The following SRSF12 variants were observed in gnomAD, a reference collection of about 807,000 sequenced individuals.
SRSF12 encodes serine/arginine-rich splicing factor 12.
Under a neutral mutation model 34.1 loss-of-function variants are expected in SRSF12, and 21 were observed. The observed-to-expected ratio is 0.62, with a 90% CI of 0.44 to 0.89. The LOEUF is 0.89. Ranked by LOEUF, SRSF12 falls within the 40% of genes least tolerant of loss-of-function variation. SRSF12 has a pLI of 0.00. For missense variants in SRSF12, 278 were observed against 327.8 expected (o/e 0.85, Z 1.17); for synonymous variants, 111 against 110.8 (o/e 1.00, Z -0.01).
intron 4 of SRSF12, 136 bp downstream of exon 4, chr6:89,104,980 TAGG>T: frequency 1.3e-6 from 1 of 772,622 alleles, no homozygotes; most frequent in Non-Finnish European, 1.9e-6. Flanking sequence ...TGCTTGAGTC[TAGG>T]AGGTCAAGTC....
At chr6:89,117,802 C>A (rs767481400) in intron 1 of SRSF12, 21 bp downstream of exon 1, 2 of 1,545,608 alleles carry the variant, frequency 1.3e-6, no homozygotes, top group South Asian at 2.4e-5. Flanking sequence ...GCGCCCCCAA[C>A]CTGCAGCCGC....
intron 4 of SRSF12, 88 bp downstream of exon 4, chr6:89,105,031 C>T (rs1039516824): frequency 3.0e-6 from 4 of 1,348,742 alleles, no homozygotes; most frequent in Non-Finnish European, 4.0e-6. Context: ...GCACTCCAGC[C>T]TGGGAAACAA....
In SRSF12 at chr6:89,096,459, T is replaced by C. The variant is rs1323812329; in HGVS notation, c.*2119A>G. On this transcript the variant is annotated 3_prime_UTR_variant, in exon 5 of 5. Transcript: ENST00000452027. ...AGAACAGTGCCAAGCATGTACTAAA[T>C]GCTCAAAAGAGTTTGAGCTATTATC... 6 of 152,232 alleles carry C rather than the reference T, an allele frequency of 3.9e-5. No homozygotes were observed. Among genetic ancestry groups the C allele is most frequent in the Admixed American group, 3.3e-4 (5 of 15,286 alleles). 9.4% of individuals were successfully genotyped at this position (152,232 alleles called of 1,614,324 possible). A position where few individuals can be genotyped will look rare whatever the true frequency, so the allele number is the denominator to read the frequency against.
At chr6:89,101,148 G>C (rs1489719861) in intron 4 of SRSF12, among the ~76,000 whole-genome samples, 1 of 144,476 alleles carries the variant, frequency 6.9e-6, no homozygotes, top group African/African-American at 2.5e-5. Flanking sequence ...TTAACTAAAA[G>C]ATCATTAGAA....
intron 4 of SRSF12, among the ~76,000 whole-genome samples, chr6:89,104,891 C>CA (rs780786742): frequency 6.6e-6 from 1 of 151,814 alleles, no homozygotes; most frequent in South Asian, 2.1e-4. Flanking sequence ...CCAATCTCTA[C>CA]AAAAAATTAA....
At chr6:89,099,072 A>T (rs1768389808) in intron 4 of SRSF12, 125 bp from the exon 5 acceptor site, 1 of 1,192,600 alleles carries the variant, frequency 8.4e-7, no homozygotes, top group Non-Finnish European at 1.1e-6. Flanking sequence ...AGCTAAAAAA[A>T]TTTCTCATTT....
At chr6:89,110,331 C>A (rs969421079) in intron 1 of SRSF12, among the ~76,000 whole-genome samples, 1 of 152,124 alleles carries the variant, frequency 6.6e-6, no homozygotes, top group Non-Finnish European at 1.5e-5. Context: ...CTCAAGCAAG[C>A]CACTCAAGTG....
intron 1 of SRSF12, among the ~76,000 whole-genome samples, chr6:89,109,531 C>A (rs1380042134): frequency 2.0e-5 from 3 of 152,168 alleles, no homozygotes; most frequent in African/African-American, 7.2e-5. Context: ...CCAATCCCAT[C>A]AACCAAATGT....
Position 89,098,937 on chromosome 6 carries a change from T to C in SRSF12, c.427A>G (p.Arg143Gly). ...TTAGACTGGCTATAAGAAAATCGCCTGTGTCGAGACCTGCAAACATCCATA... is the reference window on the plus strand; with the variant it reads ...TTAGACTGGCTATAAGAAAATCGCCCGTGTCGAGACCTGCAAACATCCATA... ...RSDSLKESRH[R>G]RFSYSQSKSR... The change falls in exon 5 of 5, where the codon AGG becomes GGG. Residue 143 changes from arginine to glycine, a missense_variant. Transcript: ENST00000452027. 6.2e-7 allele frequency: 1 copy of C among 1,612,874 alleles called. No individual in the cohort carries two copies. Among genetic ancestry groups the C allele is most frequent in the Admixed American group, 1.7e-5 (1 of 59,880 alleles).
chr6:89,110,522 A>G (rs1404440474), intron 1 of SRSF12, among the ~76,000 whole-genome samples: 2 of 152,184 alleles, frequency 1.3e-5, no homozygotes, highest in Non-Finnish European at 2.9e-5. Flanking sequence ...GACCAGTCTG[A>G]TTGGTTGTAG....
chr6:89,104,391 C>A (rs768967307), intron 4 of SRSF12, among the ~76,000 whole-genome samples: 32 of 151,928 alleles, frequency 2.1e-4, no homozygotes, highest in Non-Finnish European at 2.8e-4. Flanking sequence ...TGCGTGGCTA[C>A]CACACCCAGC....
intron 1 of SRSF12, among the ~76,000 whole-genome samples, chr6:89,110,983 G>T (rs1261963602): frequency 1.3e-5 from 2 of 152,080 alleles, no homozygotes; most frequent in Non-Finnish European, 2.9e-5. Flanking sequence ...GCTGGGCGTG[G>T]TGTCTATAAT....
rs183563348 is a variant in SRSF12 at position 89,099,714 on chromosome 6, C to T, written c.417-767G>A. Among the ~76,000 whole-genome samples the T allele has an allele frequency of 2.3e-3, 343 of 151,884 alleles. 2 individuals are homozygous for T. Among genetic ancestry groups the T allele is most frequent in the African/African-American group, 7.8e-3 (323 of 41,430 alleles). ...CCACGCCCAGCTAACTTTGTATTTT[C>T]AGTAGAGATGGGATTTCTCCATGTT... On this transcript the variant is annotated intron_variant, in intron 4 of 4. Transcript: ENST00000452027.
At chr6:89,110,967 A>C (rs1347074812) in intron 1 of SRSF12, among the ~76,000 whole-genome samples, 1 of 152,042 alleles carries the variant, frequency 6.6e-6, no homozygotes, top group Non-Finnish European at 1.5e-5. Flanking sequence ...AAATAAAAAA[A>C]AATTAGCTGG....
chr6:89,111,104 C>CTGGT (rs1769025966), intron 1 of SRSF12, among the ~76,000 whole-genome samples: 1 of 136,746 alleles, frequency 7.3e-6, no homozygotes, highest in African/African-American at 3.4e-5. Flanking sequence ...CAGGGTGAGA[C>CTGGT]TTGTCTTTTT....
At chr6:89,110,941 C>G (rs1020083206) in intron 1 of SRSF12, among the ~76,000 whole-genome samples, 1 of 151,832 alleles carries the variant, frequency 6.6e-6, no homozygotes, top group Non-Finnish European at 1.5e-5. Flanking sequence ...CATAGTGAGA[C>G]CCCCATCTCT....
chr6:89,117,579 G>T (rs1359973703), intron 1 of SRSF12, among the ~76,000 whole-genome samples: 1 of 152,182 alleles, frequency 6.6e-6, no homozygotes, highest in East Asian at 1.9e-4. Flanking sequence ...AAAGCGACGC[G>T]GGCCCGGGAC....
chr6:89,101,063 C>T (rs1199978583), intron 4 of SRSF12, among the ~76,000 whole-genome samples: 6 of 147,982 alleles, frequency 4.1e-5, no homozygotes, highest in African/African-American at 1.5e-4. Flanking sequence ...GAGCCAAGAT[C>T]GTGCCATTGC....
chr6:89,115,785 C>T (rs888496969), intron 1 of SRSF12, among the ~76,000 whole-genome samples: 1 of 141,044 alleles, frequency 7.1e-6, no homozygotes, highest in Non-Finnish European at 1.5e-5. Flanking sequence ...TACAGGCACC[C>T]GCCACCACGC....
Sources: gnomAD v4.1 joint callset for allele counts (sites outside exome capture counted in the v4.1 genomes callset) on GRCh38, gnomAD v4.1.1 for gene constraint, MANE v1.5 for transcripts, NCBI Gene and HGNC (gene_info 2026-07-23, HGNC 2026-07-21) for gene names.